INSRR: variants seen among roughly 807,000 people sequenced by gnomAD.
INSRR encodes insulin receptor-related protein.
INSRR carries 114 observed loss-of-function variants against 130.0 expected under a neutral mutation model. The ratio of observed to expected loss-of-function variants is 0.88; its 90% CI spans 0.75 to 1.02. The LOEUF is 1.02. INSRR is among the 50% of genes least tolerant of loss of function. The pLI, the probability that INSRR is intolerant of heterozygous loss-of-function variation, is 0.00. For missense variants in INSRR, 1,657 were observed against 1,735.2 expected (o/e 0.95, Z 0.80); for synonymous variants, 674 against 705.2 (o/e 0.96, Z 0.70).
intron 17 of INSRR, among the ~76,000 whole-genome samples, 189 bp downstream of exon 17, chr1:156,842,815 T>C (rs983702195): frequency 1.3e-5 from 2 of 152,172 alleles, no homozygotes; most frequent in Non-Finnish European, 1.5e-5. Context: ...TAGCCATGAC[T>C]CTACAGTGGC....
rs760531063 is a variant in INSRR, at chr1:156,844,602, G to A, written c.2597C>T (p.Ser866Phe). 1.2e-6 allele frequency: 2 copies of A among 1,614,042 alleles called. No homozygotes were observed. The highest frequency in any genetic ancestry group is 1.3e-5 in the African/African-American group (1 of 74,924). ...CCCAAACTTCGCATATCGAAGACGG[G>A]ACACACACAGCACTGTGGCCTCCTG... The part of the protein sequence containing the change: ...LGEEATVLCV[S>F]RLRYAKFGGV... Residue 866 changes from serine (S) to phenylalanine (F), a missense_variant, in exon 14 of 22, where the codon TCC becomes TTC. Transcript: ENST00000368195.
At chr1:156,856,519 G>T (rs1165002105) in intron 1 of INSRR, among the ~76,000 whole-genome samples, 1 of 152,148 alleles carries the variant, frequency 6.6e-6, no homozygotes, top group Non-Finnish European at 1.5e-5. Context: ...GCCTCAGAAG[G>T]GTCCTTCAGC....
chr1:156,840,429 G>GCC lies in INSRR; in HGVS notation c.*442_*443dup, dbSNP rs369914973. On this transcript the variant is annotated 3_prime_UTR_variant, in exon 22 of 22. Coordinates refer to ENST00000368195, the MANE Select transcript of INSRR (RefSeq NM_014215.3). ...GTGGCAAGCAAGGCAGTCATGTGGAGCCCCACCCCCCTCCCATACATGCAT... is the reference window on the plus strand; with the variant it reads ...GTGGCAAGCAAGGCAGTCATGTGGAGCCCCCCACCCCCCTCCCATACATGCAT... 0.17 allele frequency: 26,454 copies of GCC among 158,520 alleles called. 2,816 individuals carry two copies. The highest frequency in any genetic ancestry group is 0.23 in the Non-Finnish European group (16,471 of 72,708). The allele number at this position is 158,520 out of a possible 1,614,324, so 9.8% of individuals were successfully genotyped here. A position where few individuals can be genotyped will look rare whatever the true frequency, so the allele number is the denominator to read the frequency against.
Position 156,842,193 on chromosome 1 carries a change from G to T in INSRR, c.3316C>A (p.Leu1106Ile), listed in dbSNP as rs1654820812. ...CGGTGCACAAACTTGTTGGCAGCAAGGTAGGCCATGCCGTCTGCAATCTCA... is the reference window on the plus strand; with the variant it reads ...CGGTGCACAAACTTGTTGGCAGCAATGTAGGCCATGCCGTCTGCAATCTCA... ...AGEIADGMAY[L>I]AANKFVHRDL... Residue 1106 changes from leucine (L) to isoleucine (I), a missense_variant, in exon 19 of 22, where the codon CTT becomes ATT. Physicochemically the swap from Leu to Ile is conservative, Grantham distance 5. Coordinates refer to ENST00000368195, the MANE Select transcript of INSRR (RefSeq NM_014215.3). 6.2e-7 allele frequency: 1 copy of T among 1,614,078 alleles called. No homozygotes were observed. Among genetic ancestry groups the T allele is most frequent in the Non-Finnish European group, 8.5e-7 (1 of 1,180,004 alleles).
intron 2 of INSRR, 98 bp downstream of exon 2, chr1:156,853,654 C>T (rs1314007306): frequency 2.5e-6 from 3 of 1,182,574 alleles, no homozygotes; most frequent in Non-Finnish European, 2.4e-6. Context: ...AAAACAGTGG[C>T]AGCTGAAAGT....
Position 156,844,696 on chromosome 1 carries a change from C to A in INSRR, c.2574+11G>T. On this transcript the variant is annotated intron_variant, in intron 13 of 21. Transcript: ENST00000368195. ...AAACGGGGCTGGGACGGGGGTCCCACGGGCACCTACCTCTCCCAAGCGGCG... is the reference window on the plus strand; with the variant it reads ...AAACGGGGCTGGGACGGGGGTCCCAAGGGCACCTACCTCTCCCAAGCGGCG... 1 of 1,614,078 alleles carries A rather than the reference C, an allele frequency of 6.2e-7. No individual in the cohort carries two copies.
chr1:156,849,129 C>A, intron 6 of INSRR, 82 bp from the exon 7 acceptor site: 3 of 1,597,692 alleles, frequency 1.9e-6, no homozygotes, highest in Non-Finnish European at 2.6e-6. Context: ...ATCCCATTCC[C>A]AGTGAGACCT....
At position 156,858,587 on chromosome 1, in the gene INSRR, C is replaced by T; in HGVS notation, c.35G>A (p.Cys12Tyr). ...AVPSLWPWGA[C>Y]LPVIFLSLGF... ...CAAGGAGAGGAAGATCACAGGCAGG[C>T]ATGCTCCCCAGGGCCACAGACTAGG... Residue 12 changes from cysteine to tyrosine, a missense_variant, in exon 1 of 22, where the codon TGC becomes TAC. Cys to Tyr is a radical substitution (Grantham distance 194). Transcript: ENST00000368195. 5 of 1,614,094 alleles carry T rather than the reference C, an allele frequency of 3.1e-6. No homozygotes were observed. Among genetic ancestry groups the T allele is most frequent in the South Asian group, 1.1e-5 (1 of 91,076 alleles).
intron 5 of INSRR, among the ~76,000 whole-genome samples, chr1:156,850,564 T>G (rs1290936568): frequency 7.4e-6 from 1 of 135,308 alleles, no homozygotes; most frequent in East Asian, 2.1e-4. Flanking sequence ...TTTTTTTTTT[T>G]TGAGATGGAG....
chr1:156,849,957 C>T (rs940686669), intron 5 of INSRR, among the ~76,000 whole-genome samples: 4 of 151,798 alleles, frequency 2.6e-5, no homozygotes, highest in African/African-American at 9.7e-5. Flanking sequence ...GGCCAGAGTG[C>T]AGTGGCACAA....
At chr1:156,850,645 T>G (rs1655175892) in intron 5 of INSRR, among the ~76,000 whole-genome samples, 1 of 146,742 alleles carries the variant, frequency 6.8e-6, no homozygotes, top group South Asian at 2.3e-4. Context: ...ATCTCTACCT[T>G]CTGGGTTCAA....
chr1:156,854,368 C>A lies in INSRR; in HGVS notation c.86-65G>T. ...GGCCAAATTCCCCATCCAGCCCTGG[C>A]AGCTTTGGAGGGGAGCCACACTGGC... On this transcript the variant is annotated intron_variant, in intron 1 of 21. Coordinates refer to ENST00000368195, the MANE Select transcript of INSRR (RefSeq NM_014215.3). The surrounding 1 kb of genome is among the most constrained non-coding windows in gnomAD (Gnocchi z 4.2). 3 of 1,476,704 alleles carry A rather than the reference C, an allele frequency of 2.0e-6. No individual in the cohort carries two copies. The highest frequency in any genetic ancestry group is 2.6e-5 in the South Asian group (2 of 76,020). The allele number at this position is 1,476,704 out of a possible 1,614,324, so 91.5% of individuals were successfully genotyped here. A position where few individuals can be genotyped will look rare whatever the true frequency, so the allele number is the denominator to read the frequency against.
chr1:156,844,690 G>T lies in INSRR; in HGVS notation c.2574+17C>A, dbSNP rs1234945958. 8.7e-6 allele frequency: 14 copies of T among 1,613,978 alleles called. No individual in the cohort carries two copies. Among genetic ancestry groups the T allele is most frequent in the Admixed American group, 1.7e-5 (1 of 60,004 alleles). ...GGCACAAAACGGGGCTGGGACGGGG[G>T]TCCCACGGGCACCTACCTCTCCCAA... On this transcript the variant is annotated intron_variant, in intron 13 of 21. Transcript: ENST00000368195.
chr1:156,853,409 A>G (rs1655296445), intron 2 of INSRR, among the ~76,000 whole-genome samples: 1 of 152,172 alleles, frequency 6.6e-6, no homozygotes, highest in South Asian at 2.1e-4. Context: ...TAGAGCTGAG[A>G]CTTGAACCCA....
intron 7 of INSRR, 87 bp downstream of exon 7, chr1:156,848,834 T>C: frequency 6.8e-7 from 1 of 1,470,072 alleles, no homozygotes; most frequent in Non-Finnish European, 9.1e-7. Context: ...ATAGCCTCGC[T>C]GAGCTCCGCC....
Position 156,843,058 on chromosome 1 carries a change from G to A in INSRR, c.3072C>T (p.Cys1024=), listed in dbSNP as rs1272415678. The A allele has an allele frequency of 1.2e-6, 2 of 1,614,048 alleles. No individual in the cohort carries two copies. Among genetic ancestry groups the A allele is most frequent in the Non-Finnish European group, 1.7e-6 (2 of 1,180,048 alleles). Residue 1024 remains cysteine, a synonymous_variant, in exon 17 of 22, where the codon TGC becomes TGT. Transcript: ENST00000368195. The part of the protein sequence containing the change: ...TVNELASPRE[C]IEFLKEASVM... ...CAGAAGCTTCCTTGAGGAACTCAAT[G>A]CATTCCCGTGGGCTGGCCAGCTCAT...
rs1654927509 is a variant in INSRR, at chr1:156,844,724, A to G, written c.2557T>C (p.Tyr853His). 1 of 1,614,116 alleles carries G rather than the reference A, an allele frequency of 6.2e-7. No homozygotes were observed. Among genetic ancestry groups the G allele is most frequent in the Non-Finnish European group, 8.5e-7 (1 of 1,180,022 alleles). ...NGLILKYEIK[Y>H]RRLGEEATVL... ...GCACCTACCTCTCCCAAGCGGCGGT[A>G]CTTGATTTCGTACTTGAGGATGAGT... Residue 853 changes from tyrosine (Y) to histidine (H), a missense_variant, in exon 13 of 22, where the codon TAC (tyrosine) becomes CAC (histidine). Physicochemically the swap from Tyr to His is moderately conservative, Grantham distance 83. Transcript: ENST00000368195.
rs1654914486 is a variant in INSRR at position 156,844,463 on chromosome 1, T to C, written c.2736A>G (p.Pro912=). 2 of 1,613,118 alleles carry C rather than the reference T, an allele frequency of 1.2e-6. No individual in the cohort carries two copies. Among genetic ancestry groups the C allele is most frequent in the Non-Finnish European group, 1.7e-6 (2 of 1,179,574 alleles). The change falls in exon 14 of 22, where the codon CCA becomes CCG. Residue 912 remains proline, a splice_region_variant and synonymous_variant. Transcript: ENST00000368195. ...GTCTGTGACAGAGGCTGTGTATACCTGGGCCAAGGATGTAGAAGGCAACAC... is the reference window on the plus strand; with the variant it reads ...GTCTGTGACAGAGGCTGTGTATACCCGGGCCAAGGATGTAGAAGGCAACAC... The part of the protein sequence containing the change: ...TDSVAFYILG[P]EEEDAGGLHV...
In INSRR at chr1:156,852,062, C is replaced by A; in HGVS notation, c.767G>T (p.Gly256Val). ...TGGCGGGCAGGCCCACAGGCAGGCA[C>A]CCTGGAAGTAGAGGTGGCGGCAAGC... The part of the protein sequence containing the change: ...CVACRHLYFQ[G>V]ACLWACPPGT... Residue 256 changes from glycine (G) to valine (V), a missense_variant, in exon 3 of 22, where the codon GGT (glycine) becomes GTT (valine). Coordinates refer to ENST00000368195, the MANE Select transcript of INSRR (RefSeq NM_014215.3). The A allele has an allele frequency of 6.2e-7, 1 of 1,613,550 alleles. No individual in the cohort carries two copies. The highest frequency in any genetic ancestry group is 1.7e-5 in the Admixed American group (1 of 59,998).
Sources: allele counts gnomAD v4.1 joint callset (sites outside exome capture counted in the v4.1 genomes callset), GRCh38; gene constraint gnomAD v4.1.1; non-coding constraint Gnocchi (gnomAD v3.1); transcripts MANE v1.5; gene names NCBI Gene and HGNC (gene_info 2026-07-23, HGNC 2026-07-21).